TSPAN15: variants seen among roughly 807,000 people sequenced by gnomAD.
TSPAN15 encodes the protein tetraspanin 15.
A neutral mutation model predicts 34.5 loss-of-function variants in TSPAN15; 20 were observed. That is an observed-to-expected ratio of 0.58 (90% confidence interval 0.41 to 0.84). The LOEUF (loss-of-function observed/expected upper bound fraction) is 0.84. Among genes scored for constraint, TSPAN15 ranks in the 40% least tolerant of loss-of-function variants. TSPAN15 has a pLI of 0.00. For missense variants in TSPAN15, 313 were observed against 386.1 expected (o/e 0.81, Z 1.59); for synonymous variants, 155 against 153.9 (o/e 1.01, Z -0.05).
chr10:69,471,551 T>TTCTTTCTTTCTC (rs1554832144), intron 1 of TSPAN15, among the ~76,000 whole-genome samples: 5 of 151,076 alleles, frequency 3.3e-5, no homozygotes, highest in African/African-American at 1.2e-4. Flanking sequence ...CTTTCTTTCT[T>TTCTTTCTTTCTC]TCTCTCTCAC....
At chr10:69,455,820 T>C (rs534406634) in intron 1 of TSPAN15, among the ~76,000 whole-genome samples, 1 of 152,060 alleles carries the variant, frequency 6.6e-6, no homozygotes, top group South Asian at 2.1e-4. Flanking sequence ...ATATACAGCT[T>C]GATGAGTTTT....
At chr10:69,528,715 C>T in the TSPAN15 span, among the ~76,000 whole-genome samples, 38 of 148,496 alleles carry the variant, frequency 2.6e-4, 3 homozygotes, top group African/African-American at 8.1e-4. Flanking sequence ...AGCTGCTTTC[C>T]GCAGCCAGGG....
the TSPAN15 span, among the ~76,000 whole-genome samples, chr10:69,541,638 CTT>C: frequency 1.3e-5 from 2 of 152,230 alleles, no homozygotes; most frequent in Non-Finnish European, 2.9e-5. Flanking sequence ...CTGCAGCAGA[CTT>C]TTGCCTGGAC....
the TSPAN15 span, among the ~76,000 whole-genome samples, chr10:69,522,156 T>C: frequency 6.9e-6 from 1 of 145,496 alleles, no homozygotes; most frequent in African/African-American, 2.5e-5. Flanking sequence ...AACCTAGGAG[T>C]TTGAAACCAG....
At chr10:69,458,256 C>CAGG (rs34338896) in intron 1 of TSPAN15, among the ~76,000 whole-genome samples, 46,448 of 151,938 alleles carry the variant, frequency 0.31, 7,307 homozygotes, top group South Asian at 0.34. Flanking sequence ...AGACAGTTTC[C>CAGG]AGGAGATTTT....
intron 1 of TSPAN15, among the ~76,000 whole-genome samples, chr10:69,481,650 C>T (rs904057365): frequency 6.6e-6 from 1 of 152,204 alleles, no homozygotes; most frequent in Non-Finnish European, 1.5e-5. Flanking sequence ...GGGGCGGCCT[C>T]CTCGGTGTTT....
chr10:69,503,554 T>C (rs1422163556), intron 5 of TSPAN15, among the ~76,000 whole-genome samples: 1 of 152,136 alleles, frequency 6.6e-6, no homozygotes, highest in Non-Finnish European at 1.5e-5. Flanking sequence ...TGGGCTCTGC[T>C]CCTAAGTGGC....
At chr10:69,541,820 G>A in the TSPAN15 span, among the ~76,000 whole-genome samples, 15 of 152,214 alleles carry the variant, frequency 9.9e-5, no homozygotes, top group African/African-American at 3.1e-4. Context: ...GCCACAAGTG[G>A]AACTGAAGCA....
the TSPAN15 span, among the ~76,000 whole-genome samples, chr10:69,546,862 G>C: frequency 5.9e-5 from 9 of 152,100 alleles, no homozygotes; most frequent in Non-Finnish European, 1.3e-4. Flanking sequence ...AGTTCTGTGA[G>C]GCCGGGCACA....
At chr10:69,454,363 C>T (rs942785168) in intron 1 of TSPAN15, among the ~76,000 whole-genome samples, 3 of 152,024 alleles carry the variant, frequency 2.0e-5, no homozygotes, top group Admixed American at 1.3e-4. Context: ...ACTAAAAATA[C>T]AAAAATTAGC....
At chr10:69,469,426 T>G (rs35343660) in intron 1 of TSPAN15, among the ~76,000 whole-genome samples, 1 of 152,006 alleles carries the variant, frequency 6.6e-6, no homozygotes, top group Non-Finnish European at 1.5e-5. Flanking sequence ...CCTGGACTTG[T>G]GATTGGCATC....
Position 69,507,522 on chromosome 10 carries a change from G to T in TSPAN15, c.*544G>T. ...GCTTCCTTGAGCCTAGTTTTTTTAC[G>T]TGATTTTTGTAACATTCATTTTTTT... On this transcript the variant is annotated 3_prime_UTR_variant, in exon 8 of 8. Transcript: ENST00000373290. 7.7e-7 allele frequency: 1 copy of T among 1,304,202 alleles called. No homozygotes were observed. The highest frequency in any genetic ancestry group is 1.0e-6 in the Non-Finnish European group (1 of 989,042). The allele number at this position is 1,304,202 out of a possible 1,614,324, so 80.8% of individuals were successfully genotyped here.
At chr10:69,476,991 T>A (rs569056241) in intron 1 of TSPAN15, among the ~76,000 whole-genome samples, 14 of 152,118 alleles carry the variant, frequency 9.2e-5, no homozygotes, top group Non-Finnish European at 1.8e-4. Flanking sequence ...CTTGGTCTGT[T>A]TTGCTTTCCT....
At chr10:69,482,975 T>TG (rs1554833241) in intron 1 of TSPAN15, among the ~76,000 whole-genome samples, 54 of 143,918 alleles carry the variant, frequency 3.8e-4, no homozygotes, top group African/African-American at 1.0e-3. Context: ...ATTTTTTTTT[T>TG]TTGTTGTTGT....
At chr10:69,533,736 C>T in the TSPAN15 span, among the ~76,000 whole-genome samples, 3 of 152,178 alleles carry the variant, frequency 2.0e-5, no homozygotes, top group Non-Finnish European at 4.4e-5. Flanking sequence ...AATTTATAGT[C>T]AGTTGGTCAG....
At chr10:69,492,747 AC>A (rs1841994847) in intron 3 of TSPAN15, among the ~76,000 whole-genome samples, 1 of 152,202 alleles carries the variant, frequency 6.6e-6, no homozygotes, top group African/African-American at 2.4e-5. Flanking sequence ...CTACTCTGCC[AC>A]TTCCCCTCCT....
chr10:69,500,281 T>G (rs1389042579), intron 5 of TSPAN15, among the ~76,000 whole-genome samples: 1 of 152,084 alleles, frequency 6.6e-6, no homozygotes, highest in East Asian at 1.9e-4. Context: ...CCCTTCAGAG[T>G]TGTCCCCTAC....
At chr10:69,520,090 T>C in the TSPAN15 span, among the ~76,000 whole-genome samples, 1 of 152,234 alleles carries the variant, frequency 6.6e-6, no homozygotes, top group Admixed American at 6.6e-5. Flanking sequence ...CACCATGTAG[T>C]GCAACCATTG....
the TSPAN15 span, among the ~76,000 whole-genome samples, chr10:69,541,247 T>G: frequency 6.6e-6 from 1 of 152,010 alleles, no homozygotes. Flanking sequence ...GAGGGTAAGT[T>G]AGGGGTGGAG....
Sources: gnomAD v4.1 joint callset for allele counts (sites outside exome capture counted in the v4.1 genomes callset) on GRCh38, gnomAD v4.1.1 for gene constraint, MANE v1.5 for transcripts, NCBI Gene and HGNC (gene_info 2026-07-23, HGNC 2026-07-21) for gene names.